The following LRIG1 variants were observed in gnomAD, a reference collection of about 807,000 sequenced individuals.
LRIG1 encodes the protein leucine rich repeats and immunoglobulin like domains 1.
A neutral mutation model predicts 99.2 loss-of-function variants in LRIG1; 48 were observed. The observed-to-expected ratio is 0.48, with a 90% CI of 0.38 to 0.62. LRIG1 has a LOEUF of 0.62. Among genes scored for constraint, LRIG1 ranks in the 20% least tolerant of loss-of-function variants. The pLI, the probability that LRIG1 is intolerant of heterozygous loss-of-function variation, is 0.00. For missense variants in LRIG1, 1,646 were observed against 1,434.4 expected (o/e 1.15, Z -2.38); for synonymous variants, 772 against 596.1 (o/e 1.29, Z -4.30).
intron 2 of LRIG1, among the ~76,000 whole-genome samples, chr3:66,455,048 G>T (rs956506585): frequency 4.6e-5 from 7 of 152,102 alleles, no homozygotes; most frequent in Non-Finnish European, 1.0e-4. Flanking sequence ...GGGTTCAAGC[G>T]ATTCTCCTGC....
chr3:66,410,769 T>A (rs553644128), intron 6 of LRIG1, among the ~76,000 whole-genome samples: 1 of 152,284 alleles, frequency 6.6e-6, no homozygotes, highest in South Asian at 2.1e-4. Context: ...GGAGAGCGAA[T>A]AGGAGGCGGC....
intron 1 of LRIG1, among the ~76,000 whole-genome samples, chr3:66,472,333 A>C (rs867971722): frequency 1.1e-3 from 154 of 135,614 alleles, no homozygotes; most frequent in African/African-American, 3.9e-3. Context: ...AAAAAAAAAA[A>C]CACTAACTTC....
intron 2 of LRIG1, among the ~76,000 whole-genome samples, chr3:66,453,147 A>G (rs1703962023): frequency 6.6e-6 from 1 of 152,214 alleles, no homozygotes; most frequent in Admixed American, 6.5e-5. Context: ...CAACGTACCT[A>G]TTATTACAAG....
At position 66,383,037 on chromosome 3, in the gene LRIG1, C is replaced by T. The variant is rs753667273; in HGVS notation, c.2436G>A (p.Val812=). ...SSIVLTSLVW[V]CIIYQTRKKS... ...TCTTCCTGGTCTGGTAGATGATGCA[C>T]ACCCAGACCAGTGACGTCAGGACGA... Residue 812 remains valine, a synonymous_variant, in exon 15 of 19, where the codon GTG becomes GTA. Transcript: ENST00000273261. 5 of 1,614,196 alleles carry T rather than the reference C, an allele frequency of 3.1e-6. No homozygotes were observed. The South Asian group carries it at 5.5e-5, about 18-fold the overall frequency.
chr3:66,472,606 C>A (rs1700628404), intron 1 of LRIG1, among the ~76,000 whole-genome samples: 1 of 152,178 alleles, frequency 6.6e-6, no homozygotes, highest in Non-Finnish European at 1.5e-5. Context: ...AAAATTGCTC[C>A]TGGTCATGAG....
intron 7 of LRIG1, among the ~76,000 whole-genome samples, chr3:66,409,268 T>C (rs1219411155): frequency 6.6e-6 from 1 of 152,106 alleles, no homozygotes; most frequent in Non-Finnish European, 1.5e-5. Context: ...AACTGGAGCA[T>C]ATCAAATGGA....
chr3:66,462,534 A>C lies in LRIG1; in HGVS notation c.219-25T>G, dbSNP rs377489709. 1.6e-5 allele frequency: 24 copies of C among 1,533,254 alleles called. No homozygotes were observed. In the African/African-American group the frequency reaches 2.9e-4, roughly 18 times the overall value. The allele number at this position is 1,533,254 out of a possible 1,614,324, so 95.0% of individuals were successfully genotyped here. On this transcript the variant is annotated intron_variant, in intron 1 of 18. Transcript: ENST00000273261. ...TCTGGTAAAGACAGAGAGAGAAAAA[A>C]ACGGAATCAACAACCTGGCATCATA...
intron 3 of LRIG1, among the ~76,000 whole-genome samples, chr3:66,443,086 G>C (rs900381556): frequency 6.6e-6 from 1 of 152,160 alleles, no homozygotes; most frequent in Non-Finnish European, 1.5e-5. Flanking sequence ...TGCTTAGACT[G>C]GGGGCAAGTG....
In LRIG1 at chr3:66,471,477, TC is replaced by T. The variant is rs202082838; in HGVS notation, c.219-8969del. ...GGGTTGGAACCTTGGAGCCAGGTGC[TC>T]CCTGCTCCCACTGAACTCTTCCCCG... is the stretch of plus-strand genomic sequence containing the variant. On this transcript the variant is annotated intron_variant, in intron 1 of 18. Transcript: ENST00000273261. Among the ~76,000 whole-genome samples the T allele has an allele frequency of 5.3e-3, 804 of 152,236 alleles. 3 individuals are homozygous for T. Among genetic ancestry groups the T allele is most frequent in the African/African-American group, 0.018 (750 of 41,522 alleles).
intron 7 of LRIG1, 148 bp from the exon 8 acceptor site, chr3:66,407,639 A>T: frequency 1.2e-6 from 1 of 804,646 alleles, no homozygotes; most frequent in Non-Finnish European, 2.0e-6. Context: ...ACACACCCAC[A>T]CCCACAGAAT....
intron 5 of LRIG1, among the ~76,000 whole-genome samples, chr3:66,413,560 G>C (rs1702534390): frequency 2.0e-5 from 3 of 152,318 alleles, no homozygotes; most frequent in African/African-American, 4.8e-5. Flanking sequence ...ATGGGGTAGA[G>C]ACACCCCACA....
At chr3:66,468,686 T>TGTG (rs1700530138) in intron 1 of LRIG1, among the ~76,000 whole-genome samples, 1 of 152,208 alleles carries the variant, frequency 6.6e-6, no homozygotes, top group Non-Finnish European at 1.5e-5. Flanking sequence ...CCTCAGAACG[T>TGTG]GCACTGTCAG....
chr3:66,396,172 G>C (rs574593677), intron 11 of LRIG1, among the ~76,000 whole-genome samples: 3 of 152,332 alleles, frequency 2.0e-5, no homozygotes, highest in African/African-American at 7.2e-5. Context: ...ACTCCAGGAA[G>C]ACAGTGGGTA....
chr3:66,444,021 A>G (rs1703633375), intron 3 of LRIG1, among the ~76,000 whole-genome samples: 1 of 152,220 alleles, frequency 6.6e-6, no homozygotes, highest in Non-Finnish European at 1.5e-5. Flanking sequence ...CTGGAAAAAG[A>G]GGTGGCATTC....
chr3:66,381,652 G>T (rs200533484), intron 16 of LRIG1, 21 bp from the exon 17 acceptor site: 2 of 1,604,708 alleles, frequency 1.2e-6, no homozygotes, highest in Admixed American at 1.7e-5. Flanking sequence ...ATTCCAACAC[G>T]ATTAGAAACT....
chr3:66,404,454 G>A, intron 9 of LRIG1: 1 of 1,145,470 alleles, frequency 8.7e-7, no homozygotes, highest in Non-Finnish European at 1.1e-6. Context: ...GGCATCTGCA[G>A]AAAGTGCTGG....
At chr3:66,407,033 G>A (rs1220108814) in intron 8 of LRIG1, among the ~76,000 whole-genome samples, 1 of 152,180 alleles carries the variant, frequency 6.6e-6, no homozygotes, top group Non-Finnish European at 1.5e-5. Context: ...TCAGCGTGGG[G>A]AAGCTTTTTC....
intron 3 of LRIG1, among the ~76,000 whole-genome samples, chr3:66,432,272 C>A (rs971667918): frequency 6.6e-6 from 1 of 152,184 alleles, no homozygotes; most frequent in Non-Finnish European, 1.5e-5. Context: ...CTTCAAAGGG[C>A]CTTTGTAGCC....
chr3:66,418,714 G>A (rs1465598195), intron 3 of LRIG1, among the ~76,000 whole-genome samples: 1 of 152,174 alleles, frequency 6.6e-6, no homozygotes. Context: ...TTACCAAGTG[G>A]CATCTCCTTT....
Sources: gnomAD v4.1 joint callset for allele counts (sites outside exome capture counted in the v4.1 genomes callset) on GRCh38, gnomAD v4.1.1 for gene constraint, MANE v1.5 for transcripts, NCBI Gene and HGNC (gene_info 2026-07-23, HGNC 2026-07-21) for gene names.